The following ZNF609 variants were observed in gnomAD, a reference collection of about 807,000 sequenced individuals.
ZNF609 encodes the protein zinc finger protein 609.
ZNF609 carries 11 observed loss-of-function variants against 109.5 expected under a neutral mutation model. That is an observed-to-expected ratio of 0.10 (90% CI 0.06 to 0.17). The LOEUF is 0.17. ZNF609 is among the 10% of genes least tolerant of loss of function. ZNF609 has a pLI of 1.00. For missense variants in ZNF609, 1,559 were observed against 1,772.4 expected (o/e 0.88, Z 2.16); for synonymous variants, 646 against 662.0 (o/e 0.98, Z 0.37).
chr15:64,583,277 A>G (rs1444191288), intron 2 of ZNF609, among the ~76,000 whole-genome samples: 1 of 150,538 alleles, frequency 6.6e-6, no homozygotes, highest in Non-Finnish European at 1.5e-5. Flanking sequence ...CAGGAGGCAG[A>G]GCTTGCAGTG....
chr15:64,533,562 C>T (rs557607979), intron 2 of ZNF609, among the ~76,000 whole-genome samples: 129 of 152,302 alleles, frequency 8.5e-4, no homozygotes, highest in African/African-American at 2.8e-3. Flanking sequence ...TTGCTTTCCA[C>T]GTTCCAAAAT....
chr15:64,681,420 T>TA, intron 9 of ZNF609, 33 bp downstream of exon 9: 1 of 1,569,586 alleles, frequency 6.4e-7, no homozygotes, highest in Non-Finnish European at 8.8e-7. Flanking sequence ...GGGCAACACA[T>TA]AAAGCCGGGA....
At chr15:64,574,315 G>A (rs910257461) in intron 2 of ZNF609, among the ~76,000 whole-genome samples, 5 of 152,022 alleles carry the variant, frequency 3.3e-5, no homozygotes, top group South Asian at 4.2e-4. Context: ...GAAGGAACCT[G>A]CAGGGGTTTA....
intron 2 of ZNF609, among the ~76,000 whole-genome samples, chr15:64,555,766 C>T (rs1894571589): frequency 6.6e-6 from 1 of 151,278 alleles, no homozygotes; most frequent in Non-Finnish European, 1.5e-5. Context: ...CCTGTAATCC[C>T]AGCTACTTGG....
chr15:64,556,747 C>T (rs185757786), intron 2 of ZNF609, among the ~76,000 whole-genome samples: 38 of 152,080 alleles, frequency 2.5e-4, no homozygotes, highest in African/African-American at 6.0e-4. Flanking sequence ...GTTTACCTTC[C>T]GATTTTTAGC....
At chr15:64,560,170 C>G (rs991596785) in intron 2 of ZNF609, among the ~76,000 whole-genome samples, 2 of 152,040 alleles carry the variant, frequency 1.3e-5, no homozygotes, top group Non-Finnish European at 1.5e-5. Context: ...CTCAGCCTCC[C>G]GAGTAGCTGG....
chr15:64,632,878 TC>T, intron 3 of ZNF609, among the ~76,000 whole-genome samples: 2 of 151,046 alleles, frequency 1.3e-5, no homozygotes, highest in East Asian at 2.0e-4. Flanking sequence ...GCTCAAGTGA[TC>T]CTCCCAGTTC....
chr15:64,670,506 T>C, intron 4 of ZNF609, 73 bp downstream of exon 4: 1 of 1,270,100 alleles, frequency 7.9e-7, no homozygotes, highest in South Asian at 1.2e-5. Flanking sequence ...ACTTTTATCC[T>C]GCTAGAGTTG....
rs1443622633 is a variant in ZNF609 at position 64,622,908 on chromosome 15, T to C, written c.829T>C (p.Cys277Arg). The part of the protein sequence containing the change: ...PVVNNDISSP[C>R]EQIMVRTRSV... Reference sequence around the variant, plus strand: ...GGTCAACAATGACATCTCATCTCCCTGTGAGCAGATCATGGTTCGTACCCG... The same window carrying C: ...GGTCAACAATGACATCTCATCTCCCCGTGAGCAGATCATGGTTCGTACCCG... Residue 277 changes from cysteine to arginine, a missense_variant, in exon 3 of 10, where the codon TGT becomes CGT. By Grantham distance (180) the Cys-to-Arg change is radical (BLOSUM62 -3). Coordinates refer to ENST00000326648, the MANE Select transcript of ZNF609 (RefSeq NM_015042.2). 6.2e-6 allele frequency: 10 copies of C among 1,614,072 alleles called. No homozygotes were observed. The highest frequency in any genetic ancestry group is 7.6e-6 in the Non-Finnish European group (9 of 1,179,996).
At chr15:64,627,663 C>CTTTTTTTTTTTTTTTTTTTTTTTTTTTTT (rs35293725) in intron 3 of ZNF609, among the ~76,000 whole-genome samples, 3 of 86,016 alleles carry the variant, frequency 3.5e-5, no homozygotes, top group Admixed American at 1.8e-4. Flanking sequence ...TTTTTTCTTT[C>CTTTTTTTTTTTTTTTTTTTTTTTTTTTTT]TTTTTTTTTT....
At chr15:64,660,443 A>T (rs548703689) in intron 3 of ZNF609, among the ~76,000 whole-genome samples, 217 of 150,534 alleles carry the variant, frequency 1.4e-3, no homozygotes, top group Non-Finnish European at 2.8e-3. Flanking sequence ...TTTTTATAAT[A>T]CAGTTTTATT....
intron 1 of ZNF609, among the ~76,000 whole-genome samples, chr15:64,474,087 T>TA (rs1357114325): frequency 6.6e-6 from 1 of 152,114 alleles, no homozygotes; most frequent in Non-Finnish European, 1.5e-5. Context: ...TTTATATTTT[T>TA]AGTAGAGACG....
intron 2 of ZNF609, among the ~76,000 whole-genome samples, chr15:64,573,022 A>G (rs1470854339): frequency 6.6e-6 from 1 of 152,238 alleles, no homozygotes; most frequent in African/African-American, 2.4e-5. Flanking sequence ...CTCCTCAGCC[A>G]ATTATACAAG....
intron 2 of ZNF609, among the ~76,000 whole-genome samples, chr15:64,615,987 A>C (rs923599480): frequency 6.6e-6 from 1 of 152,188 alleles, no homozygotes; most frequent in Non-Finnish European, 1.5e-5. Context: ...TGAAGGGGAA[A>C]AGGCAAGGTC....
At chr15:64,597,532 A>T (rs1895417560) in intron 2 of ZNF609, among the ~76,000 whole-genome samples, 1 of 152,146 alleles carries the variant, frequency 6.6e-6, no homozygotes, top group South Asian at 2.1e-4. Flanking sequence ...TTGCATTTTA[A>T]TTTGATAAGC....
chr15:64,638,582 T>G (rs1037872033), intron 3 of ZNF609, among the ~76,000 whole-genome samples: 1 of 151,940 alleles, frequency 6.6e-6, no homozygotes, highest in Non-Finnish European at 1.5e-5. Flanking sequence ...ACTGATATCA[T>G]TTAGGGATCT....
chr15:64,474,024 C>G (rs560046873), intron 1 of ZNF609, among the ~76,000 whole-genome samples: 1 of 152,212 alleles, frequency 6.6e-6, no homozygotes, highest in East Asian at 1.9e-4. Flanking sequence ...CCACCTGCCT[C>G]GGCCTCCCAA....
At chr15:64,602,170 C>G (rs535782610) in intron 2 of ZNF609, among the ~76,000 whole-genome samples, 1 of 152,264 alleles carries the variant, frequency 6.6e-6, no homozygotes, top group South Asian at 2.1e-4. Context: ...CTACTTTTTT[C>G]TGCAACTAGA....
intron 2 of ZNF609, among the ~76,000 whole-genome samples, chr15:64,527,103 A>G (rs1013811157): frequency 6.6e-6 from 1 of 151,922 alleles, no homozygotes; most frequent in Non-Finnish European, 1.5e-5. Flanking sequence ...GAGAGCACCT[A>G]GCTTCTAGTG....
Sources: allele counts gnomAD v4.1 joint callset (sites outside exome capture counted in the v4.1 genomes callset), GRCh38; gene constraint gnomAD v4.1.1; transcripts MANE v1.5; gene names NCBI Gene and HGNC (gene_info 2026-07-23, HGNC 2026-07-21).